Variants in ANKRD44 observed in about 807,000 individuals in gnomAD.
ANKRD44 encodes the protein ankyrin repeat domain 44.
ANKRD44 carries 35 observed loss-of-function variants against 116.0 expected under a neutral mutation model. That is an observed-to-expected ratio of 0.30 (90% CI 0.23 to 0.40). The LOEUF (loss-of-function observed/expected upper bound fraction) is 0.40. ANKRD44 is among the 10% of genes least tolerant of loss of function. The pLI is 1.00. For missense variants in ANKRD44, 1,014 were observed against 1,242.6 expected, an observed-to-expected ratio of 0.82 and a Z score of 2.77; for synonymous variants, 435 against 461.8, an observed-to-expected ratio of 0.94 and a Z score of 0.74.
chr2:197,088,102 G>A (rs2077966808), intron 12 of ANKRD44, among the ~76,000 whole-genome samples: 1 of 152,118 alleles, frequency 6.6e-6, no homozygotes, highest in African/African-American at 2.4e-5. Context: ...TCAATGTGTG[G>A]TCACATATAT....
intron 17 of ANKRD44, among the ~76,000 whole-genome samples, chr2:197,014,807 G>T (rs2076360460): frequency 6.6e-6 from 1 of 151,420 alleles, no homozygotes; most frequent in Non-Finnish European, 1.5e-5. Flanking sequence ...AACAAAAAAT[G>T]ATGCTTTGTA....
chr2:197,034,075 A>AGAGAGAGAGAGG (rs1377386389), intron 16 of ANKRD44, among the ~76,000 whole-genome samples: 2 of 151,890 alleles, frequency 1.3e-5, no homozygotes, highest in East Asian at 3.9e-4. Context: ...AGAGAGAGAG[A>AGAGAGAGAGAGG]GAGAGAGAGA....
At chr2:197,198,798 A>G (rs1279620750) in intron 1 of ANKRD44, 1 of 151,666 alleles carries the variant, frequency 6.6e-6, no homozygotes, top group Non-Finnish European at 1.5e-5. Context: ...CTCGAAAAAT[A>G]AAAAATAAAA....
chr2:197,007,574 C>A (rs543460984), intron 20 of ANKRD44, among the ~76,000 whole-genome samples: 1 of 152,328 alleles, frequency 6.6e-6, no homozygotes, highest in South Asian at 2.1e-4. Flanking sequence ...TCTATTATCA[C>A]AATCTAACAT....
chr2:197,146,513 G>A (rs2125428796), intron 3 of ANKRD44, among the ~76,000 whole-genome samples: 1 of 151,990 alleles, frequency 6.6e-6, no homozygotes, highest in African/African-American at 2.4e-5. Flanking sequence ...ATATATAATA[G>A]CATATATAGT....
intron 21 of ANKRD44, among the ~76,000 whole-genome samples, chr2:197,002,475 G>A (rs2076130780): frequency 6.6e-6 from 1 of 152,176 alleles, no homozygotes; most frequent in South Asian, 2.1e-4. Flanking sequence ...CTAGCTGTCA[G>A]CTTACTTGTT....
At chr2:197,167,474 A>G (rs2080125570) in intron 2 of ANKRD44, among the ~76,000 whole-genome samples, 1 of 152,200 alleles carries the variant, frequency 6.6e-6, no homozygotes, top group South Asian at 2.1e-4. Context: ...GAGCTAGACC[A>G]TCTATCTTAG....
intron 1 of ANKRD44, among the ~76,000 whole-genome samples, chr2:197,209,451 C>A (rs1285892031): frequency 6.6e-6 from 1 of 152,140 alleles, no homozygotes; most frequent in Non-Finnish European, 1.5e-5. Flanking sequence ...AATATGTAGT[C>A]AGAGCTGCCA....
At chr2:197,049,718 G>A (rs1187827555) in intron 16 of ANKRD44, among the ~76,000 whole-genome samples, 1 of 151,960 alleles carries the variant, frequency 6.6e-6, no homozygotes, top group Non-Finnish European at 1.5e-5. Context: ...CTGGACTGAA[G>A]TGACCCTCCA....
rs536246301 is a variant in ANKRD44, at chr2:197,033,823, G to T, written c.1651-8556C>A. 2.4e-4 allele frequency among the ~76,000 whole-genome samples: 36 copies of T among 152,202 alleles called. 1 individual carries two copies. The East Asian group carries it at 3.3e-3, about 14-fold the overall frequency. ...GACTGGAATCTAGCTGCTCTAAGTAGTCCCCTTCCTTTAGTGATTCTTCTT... is the reference window on the plus strand; with the variant it reads ...GACTGGAATCTAGCTGCTCTAAGTATTCCCCTTCCTTTAGTGATTCTTCTT... On this transcript the variant is annotated intron_variant, in intron 16 of 27. Coordinates refer to ENST00000282272, the MANE Select transcript of ANKRD44 (RefSeq NM_001195144.2).
At chr2:197,223,227 G>A (rs1004300833) in intron 1 of ANKRD44, among the ~76,000 whole-genome samples, 2 of 152,078 alleles carry the variant, frequency 1.3e-5, no homozygotes, top group Non-Finnish European at 2.9e-5. Context: ...AAACATTAAA[G>A]ATCCAAGCAA....
chr2:196,997,083 C>G (rs1053573081), intron 25 of ANKRD44, among the ~76,000 whole-genome samples: 1 of 151,918 alleles, frequency 6.6e-6, no homozygotes, highest in African/African-American at 2.4e-5. Flanking sequence ...AAATCCAAAA[C>G]TTTTTGAATA....
rs192417691 is a variant in ANKRD44 at position 197,100,414 on chromosome 2, G to A, written c.986-484C>T. On this transcript the variant is annotated intron_variant, in intron 9 of 27. Transcript: ENST00000282272. ...CGCACCACTGCACTCCAGCCTGGGC[G>A]ACAGAGCGAGACTCCGTCTCAAAAA... Among the ~76,000 whole-genome samples the A allele has an allele frequency of 1.3e-3, 193 of 152,088 alleles. 1 individual carries two copies. Among genetic ancestry groups the A allele is most frequent in the Non-Finnish European group, 2.5e-3 (167 of 67,998 alleles).
chr2:197,060,707 G>T (rs1461897956), intron 16 of ANKRD44, among the ~76,000 whole-genome samples: 1 of 152,026 alleles, frequency 6.6e-6, no homozygotes, highest in Non-Finnish European at 1.5e-5. Flanking sequence ...CTCAGCTCCT[G>T]GCAACCCCCA....
chr2:197,038,436 G>T (rs1219099576), intron 16 of ANKRD44, among the ~76,000 whole-genome samples: 1 of 152,144 alleles, frequency 6.6e-6, no homozygotes, highest in East Asian at 1.9e-4. Flanking sequence ...TCTTATAACT[G>T]AAAAATGGTC....
At chr2:197,068,410 A>T (rs2077486867) in intron 16 of ANKRD44, among the ~76,000 whole-genome samples, 2 of 16,510 alleles carry the variant, frequency 1.2e-4, no homozygotes, top group South Asian at 3.9e-3. Context: ...AAAATAAAAT[A>T]AAAAAAAATA....
intron 16 of ANKRD44, among the ~76,000 whole-genome samples, chr2:197,037,813 G>A (rs141685828): frequency 6.6e-6 from 1 of 152,200 alleles, no homozygotes; most frequent in African/African-American, 2.4e-5. Context: ...TATAGTGGTC[G>A]TGCCTATAGT....
intron 20 of ANKRD44, 77 bp downstream of exon 20, chr2:197,007,729 T>A: frequency 1.0e-6 from 1 of 980,682 alleles, no homozygotes; most frequent in Non-Finnish European, 1.6e-6. Flanking sequence ...AAGTAGGCCC[T>A]TTGTAATTGT....
At chr2:197,138,687 T>C (rs900219950) in intron 3 of ANKRD44, among the ~76,000 whole-genome samples, 3 of 152,200 alleles carry the variant, frequency 2.0e-5, no homozygotes, top group Non-Finnish European at 4.4e-5. Flanking sequence ...TATGACCACA[T>C]TGTGTGGTAG....
Sources: gnomAD v4.1 joint callset for allele counts (sites outside exome capture counted in the v4.1 genomes callset) on GRCh38, gnomAD v4.1.1 for gene constraint, MANE v1.5 for transcripts, NCBI Gene and HGNC (gene_info 2026-07-23, HGNC 2026-07-21) for gene names.